Variants in TNNI3K observed in about 807,000 individuals in gnomAD.
The protein encoded by TNNI3K is serine/threonine-protein kinase TNNI3K.
TNNI3K carries 140 observed loss-of-function variants against 114.5 expected under a neutral mutation model. The ratio of observed to expected loss-of-function variants is 1.22; its 90% CI spans 1.07 to 1.41. TNNI3K has a LOEUF of 1.41. Ranked by LOEUF, TNNI3K falls within the 40% of genes most tolerant of loss-of-function variation. TNNI3K has a pLI of 0.00. For synonymous variants in TNNI3K, 347 were observed against 347.5 expected (o/e 1.00, Z 0.02); for missense variants, 1,125 against 1,007.6 (o/e 1.12, Z -1.58).
At chr1:74,470,755 T>C in intron 21 of TNNI3K, 1 of 400,740 alleles carries the variant, frequency 2.5e-6, no homozygotes, top group Non-Finnish European at 4.4e-6. Context: ...TGAATTTTGC[T>C]CTCTGTGTTG....
chr1:74,475,554 T>A lies in TNNI3K; in HGVS notation c.2121+12004T>A, dbSNP rs779447767. On this transcript the variant is annotated intron_variant, in intron 21 of 24. Coordinates refer to ENST00000326637, the MANE Select transcript of TNNI3K (RefSeq NM_015978.3). ...CAAGGGTTGCAGACTCAGAGGCCGA[T>A]GTTGCTTGATGGCTATTTTCCTGTA... 74 of 717,472 alleles carry A rather than the reference T, an allele frequency of 1.0e-4. No individual in the cohort carries two copies. The East Asian group carries it at 1.7e-3, about 16-fold the overall frequency. 44.4% of individuals were successfully genotyped at this position (717,472 alleles called of 1,614,324 possible). A position where few individuals can be genotyped will look rare whatever the true frequency, so the allele number is the denominator to read the frequency against.
chr1:74,432,940 A>G (rs1439524614), intron 17 of TNNI3K, among the ~76,000 whole-genome samples: 1 of 151,990 alleles, frequency 6.6e-6, no homozygotes, highest in East Asian at 1.9e-4. Flanking sequence ...TTTAGCCTCA[A>G]TTATCCATCT....
intron 5 of TNNI3K, among the ~76,000 whole-genome samples, chr1:74,302,025 C>T (rs188672790): frequency 1.3e-5 from 2 of 152,176 alleles, no homozygotes; most frequent in Non-Finnish European, 2.9e-5. Flanking sequence ...ACAGATGTTG[C>T]ATTTTTATAA....
intron 17 of TNNI3K, among the ~76,000 whole-genome samples, chr1:74,403,357 T>A (rs1027035065): frequency 6.6e-6 from 1 of 152,176 alleles, no homozygotes; most frequent in East Asian, 1.9e-4. Flanking sequence ...TTTTAACTTA[T>A]AAACATCAAG....
intron 4 of TNNI3K, among the ~76,000 whole-genome samples, chr1:74,256,283 C>CTTTTTTTTTTT (rs61636791): frequency 6.5e-4 from 28 of 42,800 alleles, no homozygotes; most frequent in East Asian, 7.9e-4. Context: ...TGTGGTCAGT[C>CTTTTTTTTTTT]TTTTTTTTTT....
intron 5 of TNNI3K, among the ~76,000 whole-genome samples, chr1:74,315,911 G>A (rs1490759215): frequency 6.6e-6 from 1 of 152,036 alleles, no homozygotes; most frequent in Non-Finnish European, 1.5e-5. Context: ...AACACTTATT[G>A]ACCACTATGC....
At chr1:74,450,629 A>T (rs1037668105) in intron 20 of TNNI3K, among the ~76,000 whole-genome samples, 1 of 152,160 alleles carries the variant, frequency 6.6e-6, no homozygotes, top group Admixed American at 6.6e-5. Context: ...TTGTGCGGCC[A>T]ACAAACATAC....
chr1:74,322,886 C>T (rs1331451371), intron 5 of TNNI3K, among the ~76,000 whole-genome samples: 2 of 152,154 alleles, frequency 1.3e-5, no homozygotes, highest in East Asian at 3.8e-4. Flanking sequence ...TCACTGATTA[C>T]CTGTTTCCAG....
chr1:74,267,144 TA>T (rs1656043964), intron 4 of TNNI3K, among the ~76,000 whole-genome samples: 1 of 151,972 alleles, frequency 6.6e-6, no homozygotes, highest in South Asian at 2.1e-4. Context: ...GACTTTCTTT[TA>T]AAAACATTGC....
chr1:74,480,228 T>A, intron 21 of TNNI3K: 2 of 717,190 alleles, frequency 2.8e-6, no homozygotes, highest in Non-Finnish European at 5.2e-6. Context: ...AGAACCAGAG[T>A]GAAGTTGGGA....
chr1:74,297,182 A>G (rs1180779356), intron 5 of TNNI3K, among the ~76,000 whole-genome samples: 1 of 152,072 alleles, frequency 6.6e-6, no homozygotes, highest in Non-Finnish European at 1.5e-5. Flanking sequence ...ATAGATCAAC[A>G]CCATACAGTA....
At chr1:74,420,942 G>T (rs534880146) in intron 17 of TNNI3K, among the ~76,000 whole-genome samples, 2 of 152,000 alleles carry the variant, frequency 1.3e-5, no homozygotes, top group South Asian at 2.1e-4. Flanking sequence ...GCAATTTTTT[G>T]AATTTTTGCA....
At chr1:74,363,220 T>G (rs758635669) in intron 11 of TNNI3K, among the ~76,000 whole-genome samples, 1 of 152,032 alleles carries the variant, frequency 6.6e-6, no homozygotes, top group Non-Finnish European at 1.5e-5. Context: ...GGAGCTGGGC[T>G]TTAGTGGGTT....
chr1:74,256,999 C>CAAATT (rs1655355548), intron 4 of TNNI3K, among the ~76,000 whole-genome samples: 1 of 152,002 alleles, frequency 6.6e-6, no homozygotes, highest in Non-Finnish European at 1.5e-5. Context: ...GAAATTTTGA[C>CAAATT]CATTAGTTTT....
intron 17 of TNNI3K, among the ~76,000 whole-genome samples, chr1:74,418,694 A>G (rs527305675): frequency 3.3e-5 from 5 of 152,116 alleles, no homozygotes; most frequent in Admixed American, 6.6e-5. Flanking sequence ...CTCAATTTCC[A>G]TCTTAACCTC....
At chr1:74,380,382 G>C (rs984436809) in intron 17 of TNNI3K, among the ~76,000 whole-genome samples, 2 of 152,124 alleles carry the variant, frequency 1.3e-5, no homozygotes, top group African/African-American at 4.8e-5. Flanking sequence ...TGGTTGAAGT[G>C]GTTCACTCTG....
At chr1:74,525,707 C>T (rs1646495248) in intron 23 of TNNI3K, among the ~76,000 whole-genome samples, 1 of 152,134 alleles carries the variant, frequency 6.6e-6, no homozygotes, top group Non-Finnish European at 1.5e-5. Context: ...CCATGGAGGC[C>T]TGGATGTGCA....
At chr1:74,512,955 G>T (rs959851685) in intron 23 of TNNI3K, among the ~76,000 whole-genome samples, 1 of 152,150 alleles carries the variant, frequency 6.6e-6, no homozygotes, top group Non-Finnish European at 1.5e-5. Context: ...ATGGCTCACC[G>T]TGGAAAACTA....
chr1:74,297,522 C>CATGTGT lies in TNNI3K; in HGVS notation c.444+25814_444+25815insATGTGT, dbSNP rs1553128510. Among the ~76,000 whole-genome samples, 658 of 145,452 alleles carry CATGTGT rather than the reference C, an allele frequency of 4.5e-3. 5 individuals carry two copies. The highest frequency in any genetic ancestry group is 0.021 in the East Asian group (104 of 4,914). On this transcript the variant is annotated intron_variant, in intron 5 of 24. Transcript: ENST00000326637. The stretch of plus-strand genomic sequence containing the variant: ...TGGCATCTTGTCCAGTGTGTGTGTG[C>CATGTGT]GTGTGTGTGTGTGTGTGTGTGTGTG...
Sources: allele counts gnomAD v4.1 joint callset (sites outside exome capture counted in the v4.1 genomes callset), GRCh38; gene constraint gnomAD v4.1.1; transcripts MANE v1.5; gene names NCBI Gene and HGNC (gene_info 2026-07-23, HGNC 2026-07-21).